KRT6B: variants seen among roughly 807,000 people sequenced by gnomAD.
KRT6B encodes the protein keratin 6B.
Under a neutral mutation model 44.7 loss-of-function variants are expected in KRT6B, and 29 were observed. The observed-to-expected ratio is 0.65, with a 90% CI of 0.48 to 0.88. KRT6B has a LOEUF of 0.88. KRT6B is among the 40% of genes least tolerant of loss of function. The pLI is 0.00. For synonymous variants in KRT6B, 213 were observed against 296.0 expected (o/e 0.72, Z 2.88); for missense variants, 600 against 724.0 (o/e 0.83, Z 1.97).
At chr12:52,450,104 G>T (rs664109) in intron 2 of KRT6B, 32 bp from the exon 3 acceptor site, 2 of 1,555,366 alleles carry the variant, frequency 1.3e-6, no homozygotes, top group East Asian at 2.3e-5. Flanking sequence ...ACACATTTGA[G>T]CCAGTGGGTA....
chr12:52,450,269 G>A, intron 2 of KRT6B, 137 bp downstream of exon 2: 2 of 1,433,186 alleles, frequency 1.4e-6, no homozygotes, highest in Admixed American at 3.7e-5. Flanking sequence ...ACCATCTGTG[G>A]TTCTTGCAGG....
In KRT6B at chr12:52,446,822, TA is replaced by T; in HGVS notation, c.*367del. On this transcript the variant is annotated 3_prime_UTR_variant, in exon 9 of 9. Coordinates refer to ENST00000252252, the MANE Select transcript of KRT6B (RefSeq NM_005555.4). The stretch of plus-strand genomic sequence containing the variant: ...AGATGAGAACTCCTGAGTGTAGCTA[TA>T]ATGGGCAGGATGGTTAGCAATTAAA... The T allele has an allele frequency of 3.1e-6, 1 of 321,438 alleles. No homozygotes were observed. Among genetic ancestry groups the T allele is most frequent in the South Asian group, 3.9e-5 (1 of 25,516 alleles). The allele number at this position is 321,438 out of a possible 1,614,324, so 19.9% of individuals were successfully genotyped here. A position where few individuals can be genotyped will look rare whatever the true frequency, so the allele number is the denominator to read the frequency against.
Position 52,447,068 on chromosome 12 carries a change from C to T in KRT6B, c.*122G>A, listed in dbSNP as rs1241332558. The T allele has an allele frequency of 4.7e-6, 6 of 1,280,336 alleles. No individual in the cohort carries two copies. Among genetic ancestry groups the T allele is most frequent in the East Asian group, 2.4e-5 (1 of 42,496 alleles). The allele number at this position is 1,280,336 out of a possible 1,614,324, so 79.3% of individuals were successfully genotyped here. ...TGATGAGAAGAAAAGTGAGGGCATC[C>T]CAGCTCTACCCGGGAGGGCAGGGGA... is the stretch of plus-strand genomic sequence containing the variant. On this transcript the variant is annotated 3_prime_UTR_variant, in exon 9 of 9. Coordinates refer to ENST00000252252, the MANE Select transcript of KRT6B (RefSeq NM_005555.4).
Position 52,447,267 on chromosome 12 carries a change from T to C in KRT6B, c.1618A>G (p.Ser540Gly), listed in dbSNP as rs1361655390. Residue 540 changes from serine to glycine, a missense_variant, in exon 9 of 9, where the codon AGC becomes GGC. Around this residue, in one of 4 missense-constraint regions of KRT6B, gnomAD observed 479 missense variants for 454.2 expected, o/e 1.05. Coordinates refer to ENST00000252252, the MANE Select transcript of KRT6B (RefSeq NM_005555.4). ...GTGGAACTGCCGCCTCCAACAGAGCTGAGGCCACCCCCAGTGGCTCTGCCG... is the reference window on the plus strand; with the variant it reads ...GTGGAACTGCCGCCTCCAACAGAGCCGAGGCCACCCCCAGTGGCTCTGCCG... Reference protein sequence around the residue: ...SSGRATGGGLSSVGGGSSTIK... With the variant: ...SSGRATGGGLGSVGGGSSTIK... 1 of 1,614,016 alleles carries C rather than the reference T, an allele frequency of 6.2e-7. No individual in the cohort carries two copies. Among genetic ancestry groups the C allele is most frequent in the African/African-American group, 1.3e-5 (1 of 75,046 alleles).
Position 52,447,824 on chromosome 12 carries a change from C to T in KRT6B, c.1378G>A (p.Val460Met). 6.2e-7 allele frequency: 1 copy of T among 1,614,220 alleles called. No individual in the cohort carries two copies. The highest frequency in any genetic ancestry group is 8.5e-7 in the Non-Finnish European group (1 of 1,180,032). The change falls in exon 7 of 9, where the codon GTG becomes ATG. Residue 460 changes from valine to methionine, a missense_variant. By Grantham distance (21) the Val-to-Met change is conservative (BLOSUM62 1). Around this residue, in one of 4 missense-constraint regions of KRT6B, gnomAD observed 479 missense variants for 454.2 expected, o/e 1.05. Transcript: ENST00000252252. ...AGCTTGCGGTAGGTGGCGATCTCCA[C>T]ATCCAGGGCCAGCTTGACGTTCATC... The part of the protein sequence containing the change: ...ELMNVKLALD[V>M]EIATYRKLLE...
chr12:52,447,406 G>A lies in KRT6B; in HGVS notation c.1479C>T (p.Val493=), dbSNP rs1940328180. The A allele has an allele frequency of 6.2e-7, 1 of 1,614,084 alleles. No homozygotes were observed. The highest frequency in any genetic ancestry group is 8.5e-7 in the Non-Finnish European group (1 of 1,179,956). Residue 493 remains valine (V), a synonymous_variant, in exon 9 of 9, where the codon GTC becomes GTT. Transcript: ENST00000252252. Reference sequence around the variant, plus strand: ...CGCTGGCACCGCCATAGCCACTGGAGACGGTGGACTGCACTACAGCTGTGG... The same window carrying A: ...CGCTGGCACCGCCATAGCCACTGGAAACGGTGGACTGCACTACAGCTGTGG... ...QVNISVVQST[V]SSGYGGASGV...
intron 1 of KRT6B, 95 bp downstream of exon 1, chr12:52,451,444 T>A: frequency 6.2e-7 from 1 of 1,611,148 alleles, no homozygotes; most frequent in Non-Finnish European, 8.5e-7. Flanking sequence ...TGAGTCCCCT[T>A]CTCCCTCCCT....
In KRT6B at chr12:52,451,473, G is replaced by A. The variant is rs566957528; in HGVS notation, c.540+66C>T. On this transcript the variant is annotated intron_variant, in intron 1 of 8. Transcript: ENST00000252252. Reference sequence around the variant, plus strand: ...CCTCCCTCCTAGGGTCTCTCCGGCAGGAAGGTGTTGCTCTTCTGGTCTGGG... The same window carrying A: ...CCTCCCTCCTAGGGTCTCTCCGGCAAGAAGGTGTTGCTCTTCTGGTCTGGG... 3.7e-6 allele frequency: 6 copies of A among 1,613,170 alleles called. No homozygotes were observed. In the African/African-American group the frequency reaches 8.0e-5, roughly 22 times the overall value.
chr12:52,448,842 C>A lies in KRT6B; in HGVS notation c.1203G>T (p.Gln401His). The A allele has an allele frequency of 6.2e-7, 1 of 1,614,108 alleles. No individual in the cohort carries two copies. The change falls in exon 6 of 9, where the codon CAG becomes CAT. Residue 401 changes from glutamine to histidine, a missense_variant and splice_region_variant. This residue lies in a region of KRT6B where 479 missense variants were observed against 454.2 expected (regional missense o/e 1.05). Transcript: ENST00000252252. ...TCTCCTCCATTGCCCCTCACCATAC[C>A]TGCTTCTTGACGTGGTCGATCTCAG... ...LRSEIDHVKKQCANLQAAIAD... is the reference protein window; with the variant it reads ...LRSEIDHVKKHCANLQAAIAD...
chr12:52,448,107 G>T, intron 6 of KRT6B, 109 bp from the exon 7 acceptor site: 1 of 1,373,514 alleles, frequency 7.3e-7, no homozygotes, highest in Non-Finnish European at 1.0e-6. Flanking sequence ...AGAACTGATG[G>T]TAAATGAGCT....
intron 1 of KRT6B, 23 bp from the exon 2 acceptor site, chr12:52,450,643 A>G: frequency 6.2e-7 from 1 of 1,614,004 alleles, no homozygotes; most frequent in Non-Finnish European, 8.5e-7. Context: ...CAAAATGGTC[A>G]TTTTCCAGGA....
chr12:52,448,391 C>A (rs540790920), intron 6 of KRT6B, among the ~76,000 whole-genome samples: 1 of 152,306 alleles, frequency 6.6e-6, no homozygotes, highest in East Asian at 1.9e-4. Context: ...GCTGTTGTGA[C>A]CTTGCCTTCC....
At position 52,448,965 on chromosome 12, in the gene KRT6B, G is replaced by A. The variant is rs773022037; in HGVS notation, c.1080C>T (p.Tyr360=). 44 of 1,612,984 alleles carry A rather than the reference G, an allele frequency of 2.7e-5. 1 individual carries two copies. Among genetic ancestry groups the A allele is most frequent in the African/African-American group, 8.0e-5 (6 of 74,880 alleles). ...TGCCTGCTGTGATCTGCAGCTCCTC[G>A]TACTGCAGCCCAGAGGTGGAGAGAG... is the stretch of plus-strand genomic sequence containing the variant. The part of the protein sequence containing the change: ...AEAESWYQTK[Y]EELQITAGRH... The change falls in exon 6 of 9, where the codon TAC becomes TAT. Residue 360 remains tyrosine (Y), a splice_region_variant and synonymous_variant. Coordinates refer to ENST00000252252, the MANE Select transcript of KRT6B (RefSeq NM_005555.4).
intron 5 of KRT6B, 64 bp from the exon 6 acceptor site, chr12:52,449,031 C>A: frequency 1.3e-6 from 2 of 1,568,874 alleles, no homozygotes; most frequent in East Asian, 4.5e-5. Context: ...CGATGACTTT[C>A]ACTTGTGTAT....
In KRT6B at chr12:52,452,069, T is replaced by G; in HGVS notation, c.10A>C (p.Thr4Pro). 6.2e-7 allele frequency: 1 copy of G among 1,614,056 alleles called. No homozygotes were observed. Among genetic ancestry groups the G allele is most frequent in the Non-Finnish European group, 8.5e-7 (1 of 1,180,006 alleles). Residue 4 changes from threonine to proline, a missense_variant, in exon 1 of 9, where the codon ACA (threonine) becomes CCA (proline). Around this residue, in one of 4 missense-constraint regions of KRT6B, gnomAD observed 78 missense variants for 97.5 expected, o/e 0.80. Coordinates refer to ENST00000252252, the MANE Select transcript of KRT6B (RefSeq NM_005555.4). ...CTGTGGCTCCTGATGGTGGTGGATG[T>G]GCTGGCCATGGTTCCAGGAGATGAG... MAS[T>P]STTIRSHSSS...
At chr12:52,450,671 G>A (rs750348751) in intron 1 of KRT6B, 51 bp from the exon 2 acceptor site, 5 of 1,613,790 alleles carry the variant, frequency 3.1e-6, no homozygotes, top group East Asian at 2.2e-5. Context: ...GGCAGAGAAA[G>A]TGTCTGGTAT....
At chr12:52,450,661 G>A (rs1363209827) in intron 1 of KRT6B, 41 bp from the exon 2 acceptor site, 1 of 1,613,960 alleles carries the variant, frequency 6.2e-7, no homozygotes, top group South Asian at 1.1e-5. Flanking sequence ...GGAAAAGGAA[G>A]GCAGAGAAAG....
Position 52,447,944 on chromosome 12 carries a change from G to C in KRT6B, c.1258C>G (p.Leu420Val). ...TCCAGCTTGTTCTTAGCATCCTTGA[G>C]GGCCATCTCCCCACGCTGCTCAGCA... ...ADAEQRGEMA[L>V]KDAKNKLEGL... The change falls in exon 7 of 9, where the codon CTC (leucine) becomes GTC (valine). Residue 420 changes from leucine (L) to valine (V), a missense_variant. Around this residue, in one of 4 missense-constraint regions of KRT6B, gnomAD observed 479 missense variants for 454.2 expected, o/e 1.05. Coordinates refer to ENST00000252252, the MANE Select transcript of KRT6B (RefSeq NM_005555.4). 1 of 1,614,154 alleles carries C rather than the reference G, an allele frequency of 6.2e-7. No individual in the cohort carries two copies. Among genetic ancestry groups the C allele is most frequent in the Non-Finnish European group, 8.5e-7 (1 of 1,180,028 alleles).
rs1170115551 is a variant in KRT6B, at chr12:52,450,478, A to G, written c.683T>C (p.Ile228Thr). The G allele has an allele frequency of 2.5e-6, 4 of 1,614,100 alleles. No homozygotes were observed. In the Admixed American group the frequency reaches 6.7e-5, roughly 27 times the overall value. ...INNLRRQLDN[I>T]VGERGRLDSE... ...GTCCAGACGACCCCGTTCCCCCACG[A>G]TGTTGTCCAGCTGCCTCCTGAGGTT... is the stretch of plus-strand genomic sequence containing the variant. The change falls in exon 2 of 9, where the codon ATC (isoleucine) becomes ACC (threonine). Residue 228 changes from isoleucine (I) to threonine (T), a missense_variant. Ile to Thr is a moderately conservative substitution (Grantham distance 89). This residue lies in a region of KRT6B where 479 missense variants were observed against 454.2 expected (regional missense o/e 1.05). Coordinates refer to ENST00000252252, the MANE Select transcript of KRT6B (RefSeq NM_005555.4).
Sources: allele counts gnomAD v4.1 joint callset (sites outside exome capture counted in the v4.1 genomes callset), GRCh38; gene constraint gnomAD v4.1.1; regional missense constraint gnomAD v4.1.1; transcripts MANE v1.5; gene names NCBI Gene and HGNC (gene_info 2026-07-23, HGNC 2026-07-21).